MYH1: variants seen among roughly 807,000 people sequenced by gnomAD.
MYH1 encodes myosin heavy chain 1, also known as myosin-1.
Under a neutral mutation model 225.6 loss-of-function variants are expected in MYH1, and 214 were observed. The ratio of observed to expected loss-of-function variants is 0.95; its 90% CI spans 0.85 to 1.06. The LOEUF is 1.06. MYH1 is among the 50% of genes least tolerant of loss of function. The probability of loss-of-function intolerance (pLI) is 0.00; values close to 1 mark genes in which losing one functional copy is unlikely to be tolerated. For missense variants in MYH1, 2,098 were observed against 2,344.2 expected (o/e 0.89, Z 2.17); for synonymous variants, 774 against 842.3 (o/e 0.92, Z 1.40).
At position 10,512,886 on chromosome 17, in the gene MYH1, G is replaced by C; in HGVS notation, c.885C>G (p.Asn295Lys). The C allele has an allele frequency of 6.2e-7, 1 of 1,612,542 alleles. No individual in the cohort carries two copies. The highest frequency in any genetic ancestry group is 2.2e-5 in the East Asian group (1 of 44,848). Residue 295 changes from asparagine (N) to lysine (K), a missense_variant, in exon 10 of 40, where the codon AAC becomes AAG. Coordinates refer to ENST00000226207, the MANE Select transcript of MYH1 (RefSeq NM_005963.4). ...TCTTACCAATTAGATCTGGCTTCTT[G>C]TTAGACATGATCTGATAAAAAATAT... Reference protein sequence around the residue: ...SYHIFYQIMSNKKPDLIEMLL... With the variant: ...SYHIFYQIMSKKKPDLIEMLL...
At chr17:10,502,038 G>T in intron 24 of MYH1, 127 bp from the exon 25 acceptor site, 2 of 950,802 alleles carry the variant, frequency 2.1e-6, no homozygotes, top group Non-Finnish European at 3.0e-6. Context: ...TTGTCCCATT[G>T]ATTCCATTCT....
Position 10,500,728 on chromosome 17 carries a change from C to A in MYH1, c.3763G>T (p.Ala1255Ser). ...ATTTCACTCAGTTGATCTTCTAGAG[C>A]GCGGCACATCTTTTCAAGGTTTCCC... ...AKGNLEKMCR[A>S]LEDQLSEIKT... The change falls in exon 28 of 40, where the codon GCT becomes TCT. Residue 1255 changes from alanine (A) to serine (S), a missense_variant. Ala to Ser is a moderately conservative substitution (Grantham distance 99). Transcript: ENST00000226207. 1 of 1,614,134 alleles carries A rather than the reference C, an allele frequency of 6.2e-7. No homozygotes were observed. The highest frequency in any genetic ancestry group is 8.5e-7 in the Non-Finnish European group (1 of 1,180,006).
At position 10,513,706 on chromosome 17, in the gene MYH1, A is replaced by G. The variant is rs2073195380; in HGVS notation, c.742-17T>C. 3 of 1,613,762 alleles carry G rather than the reference A, an allele frequency of 1.9e-6. No individual in the cohort carries two copies. Among genetic ancestry groups the G allele is most frequent in the Non-Finnish European group, 2.5e-6 (3 of 1,179,636 alleles). ...GAATTTACCCTTGTAAGTAAAAAAA[A>G]TGATGTTATACCCAAAGCTTGAAGT... On this transcript the variant is annotated splice_polypyrimidine_tract_variant and intron_variant, in intron 8 of 39. Transcript: ENST00000226207.
Position 10,496,080 on chromosome 17 carries a change from C to T in MYH1, c.5039G>A (p.Arg1680His), listed in dbSNP as rs201766006. ...DLKEQLAMVE[R>H]RANLLQAEIE... ...CTCAGCCTGCAGCAGGTTGGCTCTGCGCTCCACCATAGCCAGCTGTTCCTT... is the reference window on the plus strand; with the variant it reads ...CTCAGCCTGCAGCAGGTTGGCTCTGTGCTCCACCATAGCCAGCTGTTCCTT... The change falls in exon 35 of 40, where the codon CGC becomes CAC. Residue 1680 changes from arginine (R) to histidine (H), a missense_variant. Physicochemically the swap from Arg to His is conservative, Grantham distance 29. Transcript: ENST00000226207. 35 of 1,614,022 alleles carry T rather than the reference C, an allele frequency of 2.2e-5. No homozygotes were observed. Among genetic ancestry groups the T allele is most frequent in the Middle Eastern group, 1.6e-4 (1 of 6,084 alleles).
At chr17:10,497,473 A>G (rs1264662876) in intron 31 of MYH1, 21 bp from the exon 32 acceptor site, 1 of 1,589,692 alleles carries the variant, frequency 6.3e-7, no homozygotes, top group Non-Finnish European at 8.5e-7. Context: ...AGGAATGGAC[A>G]AGAAATTTAG....
chr17:10,494,601 G>A lies in MYH1; in HGVS notation c.5539C>T (p.His1847Tyr). The A allele has an allele frequency of 6.2e-7, 1 of 1,614,016 alleles. No homozygotes were observed. The highest frequency in any genetic ancestry group is 8.5e-7 in the Non-Finnish European group (1 of 1,180,008). The change falls in exon 38 of 40, where the codon CAT (histidine) becomes TAT (tyrosine). Residue 1847 changes from histidine (H) to tyrosine (Y), a missense_variant. His to Tyr is a moderately conservative substitution (Grantham distance 83). Coordinates refer to ENST00000226207, the MANE Select transcript of MYH1 (RefSeq NM_005963.4). ...NVEAVKGLRK[H>Y]ERKVKELTYQ... ...GTGAGTTCCTTCACTTTTCTCTCAT[G>A]TTTGCGTAGACCCTTGACAGCTTCA...
chr17:10,501,704 T>C lies in MYH1; in HGVS notation c.3258-20A>G, dbSNP rs774976473. On this transcript the variant is annotated intron_variant, in intron 25 of 39. Transcript: ENST00000226207. ...TCTTTCCTATTAGAAAAGCCCTTTA[T>C]GTCAGTCTCAGAAATATTAAGAGTA... 8.1e-6 allele frequency: 13 copies of C among 1,614,190 alleles called. No homozygotes were observed. The Admixed American group carries it at 2.2e-4, about 27-fold the overall frequency.
rs756278009 is a variant in MYH1, at chr17:10,498,589, A to G, written c.4181+37T>C. On this transcript the variant is annotated intron_variant, in intron 30 of 39. Transcript: ENST00000226207. ...TTTTCATATGTTTTGGGAGCAAGGA[A>G]ACTTATAGTTCCATTTTAACTAAGT... is the stretch of plus-strand genomic sequence containing the variant. 1.5e-5 allele frequency: 25 copies of G among 1,613,166 alleles called. 1 individual carries two copies. The highest frequency in any genetic ancestry group is 3.3e-4 in the Middle Eastern group (2 of 6,076).
rs1320396894 is a variant in MYH1, at chr17:10,505,247, T to G, written c.2351A>C (p.Lys784Thr). ...LGLLEEMRDE[K>T]LAQLITRTQA... Reference sequence around the variant, plus strand: ...GGTTCGGGTAATCAGCTGGGCCAGCTTCTCATCTCGCATCTCCTCTAGGAG... The same window carrying G: ...GGTTCGGGTAATCAGCTGGGCCAGCGTCTCATCTCGCATCTCCTCTAGGAG... The change falls in exon 21 of 40, where the codon AAG (lysine) becomes ACG (threonine). Residue 784 changes from lysine (K) to threonine (T), a missense_variant. By Grantham distance (78) the Lys-to-Thr change is moderately conservative. Coordinates refer to ENST00000226207, the MANE Select transcript of MYH1 (RefSeq NM_005963.4). 6.2e-7 allele frequency: 1 copy of G among 1,614,108 alleles called. No homozygotes were observed. Among genetic ancestry groups the G allele is most frequent in the Admixed American group, 1.7e-5 (1 of 60,002 alleles).
intron 22 of MYH1, among the ~76,000 whole-genome samples, chr17:10,503,493 A>T (rs1381535194): frequency 1.3e-5 from 2 of 152,200 alleles, no homozygotes; most frequent in South Asian, 2.1e-4. Flanking sequence ...ATATGTTGGT[A>T]TATAATTTCG....
intron 8 of MYH1, 34 bp downstream of exon 8, chr17:10,513,787 G>A (rs1285178311): frequency 6.2e-7 from 1 of 1,613,396 alleles, no homozygotes; most frequent in South Asian, 1.1e-5. Flanking sequence ...GCATCTAAAG[G>A]CAGAGAAGAC....
At chr17:10,503,329 CAAGTA>C in intron 22 of MYH1, 81 bp from the exon 23 acceptor site, 2 of 1,554,664 alleles carry the variant, frequency 1.3e-6, no homozygotes, top group Non-Finnish European at 1.7e-6. Context: ...TGAAACCAAA[CAAGTA>C]AATTGTTTTA....
rs1471898027 is a variant in MYH1 at position 10,508,601 on chromosome 17, G to A, written c.1659C>T (p.Asn553=). The change falls in exon 16 of 40, where the codon AAC becomes AAT. Residue 553 remains asparagine (N), a synonymous_variant. Transcript: ENST00000226207. ...FPKATDTSFK[N]KLYEQHLGKS... The stretch of plus-strand genomic sequence containing the variant: ...TTCCAAGATGTTGTTCATACAGCTT[G>A]TTCTTGAAGGAGGTGTCTGTCGCCT... 1.9e-6 allele frequency: 3 copies of A among 1,613,208 alleles called. No homozygotes were observed. The African/African-American group carries it at 4.0e-5, about 22-fold the overall frequency.
chr17:10,498,734 T>G lies in MYH1; in HGVS notation c.4073A>C (p.Lys1358Thr), dbSNP rs774684415. ...REQYEEEQEAKAELQRAMSKA... is the reference protein window; with the variant it reads ...REQYEEEQEATAELQRAMSKA... ...GGACATTGCTCTCTGTAGCTCGGCC[T>G]TGGCTTCCTGCTCCTCCTCATACTG... The change falls in exon 30 of 40, where the codon AAG (lysine) becomes ACG (threonine). Residue 1358 changes from lysine (K) to threonine (T), a missense_variant. By Grantham distance (78) the Lys-to-Thr change is moderately conservative. Transcript: ENST00000226207. 1.4e-5 allele frequency: 23 copies of G among 1,614,066 alleles called. No individual in the cohort carries two copies. Among genetic ancestry groups the G allele is most frequent in the Non-Finnish European group, 1.9e-5 (22 of 1,180,002 alleles).
At chr17:10,514,973 G>A (rs975049128) in intron 5 of MYH1, 78 bp from the exon 6 acceptor site, 7 of 1,254,070 alleles carry the variant, frequency 5.6e-6, no homozygotes, top group Non-Finnish European at 7.0e-6. Flanking sequence ...CAGGGCATTT[G>A]AGTATAAGTG....
At position 10,503,129 on chromosome 17, in the gene MYH1, A is replaced by C. The variant is rs747269553; in HGVS notation, c.2811T>G (p.Asn937Lys). Residue 937 changes from asparagine to lysine, a missense_variant, in exon 23 of 40, where the codon AAT becomes AAG. Coordinates refer to ENST00000226207, the MANE Select transcript of MYH1 (RefSeq NM_005963.4). The stretch of plus-strand genomic sequence containing the variant: ...TCCTCTTCTTGGCTGTCAGCTCAGC[A>C]TTGATCTCTTCCTCATCCTCAGCTC... ...TERAEDEEEI[N>K]AELTAKKRKL... 1.9e-5 allele frequency: 31 copies of C among 1,613,654 alleles called. No individual in the cohort carries two copies. The South Asian group carries it at 3.1e-4, about 16-fold the overall frequency.
chr17:10,506,189 G>T (rs927559581), intron 17 of MYH1, 90 bp from the exon 18 acceptor site: 8 of 1,510,920 alleles, frequency 5.3e-6, no homozygotes, highest in Non-Finnish European at 5.4e-6. Flanking sequence ...TATGACAGTG[G>T]TTTAATTCTA....
chr17:10,503,503 G>A (rs557173842), intron 22 of MYH1, among the ~76,000 whole-genome samples: 4 of 152,038 alleles, frequency 2.6e-5, no homozygotes, highest in East Asian at 3.9e-4. Context: ...ATATAATTTC[G>A]GGTCAGCCAA....
At chr17:10,493,557 C>T (rs1422205562) in intron 39 of MYH1, among the ~76,000 whole-genome samples, 1 of 152,130 alleles carries the variant, frequency 6.6e-6, no homozygotes, top group Non-Finnish European at 1.5e-5. Context: ...TTGAACATAA[C>T]CAAGACCTTC....
Sources: allele counts gnomAD v4.1 joint callset (sites outside exome capture counted in the v4.1 genomes callset), GRCh38; gene constraint gnomAD v4.1.1; transcripts MANE v1.5; gene names NCBI Gene and HGNC (gene_info 2026-07-23, HGNC 2026-07-21).